RCOR1: variants seen among roughly 807,000 people sequenced by gnomAD.
RCOR1 encodes REST corepressor 1, also known as REST corepressor.
RCOR1 carries 12 observed loss-of-function variants against 64.0 expected under a neutral mutation model. The ratio of observed to expected loss-of-function variants is 0.19; its 90% CI spans 0.12 to 0.30. The LOEUF is 0.30. Among genes scored for constraint, RCOR1 ranks in the 10% least tolerant of loss-of-function variants. RCOR1 has a pLI of 1.00. For missense variants in RCOR1, 502 were observed against 621.2 expected, an observed-to-expected ratio of 0.81 and a Z score of 2.04; for synonymous variants, 279 against 227.2, an observed-to-expected ratio of 1.23 and a Z score of -2.05.
intron 2 of RCOR1, among the ~76,000 whole-genome samples, chr14:102,643,034 G>A (rs1894401190): frequency 6.6e-6 from 1 of 152,238 alleles, no homozygotes; most frequent in South Asian, 2.1e-4. Flanking sequence ...TGTAATCCCT[G>A]CACTTTGGGA....
At chr14:102,699,156 A>G (rs1266232004) in intron 3 of RCOR1, among the ~76,000 whole-genome samples, 1 of 152,236 alleles carries the variant, frequency 6.6e-6, no homozygotes, top group Non-Finnish European at 1.5e-5. Flanking sequence ...AAATGCTGGG[A>G]TTACAGGCGT....
chr14:102,620,207 T>C (rs1315002856), intron 2 of RCOR1, among the ~76,000 whole-genome samples: 1 of 151,404 alleles, frequency 6.6e-6, no homozygotes, highest in Non-Finnish European at 1.5e-5. Context: ...CTGGGCAAAA[T>C]AGGGAGACAC....
At chr14:102,723,679 T>C (rs2139996595) in intron 11 of RCOR1, among the ~76,000 whole-genome samples, 1 of 152,356 alleles carries the variant, frequency 6.6e-6, no homozygotes, top group South Asian at 2.1e-4. Context: ...CAGTGATTTT[T>C]GTACCAGCAC....
At chr14:102,685,504 CA>C (rs1419758880) in intron 3 of RCOR1, among the ~76,000 whole-genome samples, 1 of 145,478 alleles carries the variant, frequency 6.9e-6, no homozygotes, top group Non-Finnish European at 1.5e-5. Flanking sequence ...TTTTTTGAGA[CA>C]GAGGTTTATT....
At chr14:102,711,625 A>T (rs992619569) in intron 7 of RCOR1, among the ~76,000 whole-genome samples, 2 of 152,184 alleles carry the variant, frequency 1.3e-5, no homozygotes, top group Admixed American at 6.5e-5. Flanking sequence ...TCATAGAGGT[A>T]TTTTTCCAAA....
intron 3 of RCOR1, among the ~76,000 whole-genome samples, chr14:102,683,223 T>TA (rs1895341686): frequency 6.6e-6 from 1 of 152,104 alleles, no homozygotes; most frequent in Non-Finnish European, 1.5e-5. Flanking sequence ...CTTTAAACTT[T>TA]AAAAAAACTA....
In RCOR1 at chr14:102,592,695, G is replaced by A; in HGVS notation, c.-192G>A. 4.1e-6 allele frequency: 5 copies of A among 1,227,954 alleles called. No homozygotes were observed. Among genetic ancestry groups the A allele is most frequent in the Non-Finnish European group, 5.1e-6 (5 of 985,560 alleles). 76.1% of individuals were successfully genotyped at this position (1,227,954 alleles called of 1,614,324 possible). ...GCGATGAGAGCGAAAGTTGCGCTCG[G>A]CTCGTCGCTGGGGGCTTGAAGCGGC... On this transcript the variant is annotated 5_prime_UTR_variant, in exon 1 of 12. Transcript: ENST00000262241.
chr14:102,655,368 A>G (rs2139934172), intron 2 of RCOR1: 1 of 985,304 alleles, frequency 1.0e-6, no homozygotes, highest in East Asian at 1.1e-4. Context: ...TGAATGACTC[A>G]TGGGCATTTT....
At chr14:102,685,156 G>C (rs1331163345) in intron 3 of RCOR1, among the ~76,000 whole-genome samples, 1 of 151,738 alleles carries the variant, frequency 6.6e-6, no homozygotes, top group African/African-American at 2.4e-5. Flanking sequence ...ATAAAGTTAT[G>C]TTGTAATTAT....
chr14:102,660,624 C>A (rs577726309), intron 2 of RCOR1, among the ~76,000 whole-genome samples: 1 of 152,136 alleles, frequency 6.6e-6, no homozygotes, highest in Non-Finnish European at 1.5e-5. Context: ...CCCTACTTGG[C>A]CTCCCACAGT....
chr14:102,648,697 C>A (rs1282826211), intron 2 of RCOR1, among the ~76,000 whole-genome samples: 1 of 152,134 alleles, frequency 6.6e-6, no homozygotes, highest in African/African-American at 2.4e-5. Flanking sequence ...CATTTTGATC[C>A]AACATCATAG....
chr14:102,707,249 T>C (rs1025297367), intron 4 of RCOR1, 102 bp from the exon 5 acceptor site: 6 of 977,568 alleles, frequency 6.1e-6, no homozygotes, highest in East Asian at 5.0e-5. Flanking sequence ...ATGAGTTAGT[T>C]TGTCTAAATA....
At chr14:102,678,707 A>C (rs1895241554) in intron 2 of RCOR1, among the ~76,000 whole-genome samples, 1 of 152,164 alleles carries the variant, frequency 6.6e-6, no homozygotes, top group Non-Finnish European at 1.5e-5. Context: ...AAAACTGCAA[A>C]ACTTTCCCAG....
chr14:102,679,455 C>T (rs1895257651), intron 2 of RCOR1, among the ~76,000 whole-genome samples: 1 of 151,234 alleles, frequency 6.6e-6, no homozygotes, highest in Non-Finnish European at 1.5e-5. Context: ...TGTTTTTGGA[C>T]TCTATTCCAT....
chr14:102,700,043 G>A (rs1895725616), intron 3 of RCOR1, among the ~76,000 whole-genome samples: 2 of 152,172 alleles, frequency 1.3e-5, no homozygotes, highest in South Asian at 4.1e-4. Flanking sequence ...ACTGGGTCAC[G>A]TAATCTATCT....
chr14:102,679,357 G>A (rs1397533938), intron 2 of RCOR1, among the ~76,000 whole-genome samples: 1 of 152,068 alleles, frequency 6.6e-6, no homozygotes, highest in African/African-American at 2.4e-5. Flanking sequence ...ATTTGTTCCT[G>A]CATCATTTGT....
At chr14:102,596,929 A>G (rs1314184668) in intron 2 of RCOR1, among the ~76,000 whole-genome samples, 13 of 130,610 alleles carry the variant, frequency 1.0e-4, no homozygotes, top group Admixed American at 2.4e-4. Context: ...CTGGAGTGCA[A>G]TGGCACAATC....
intron 2 of RCOR1, among the ~76,000 whole-genome samples, chr14:102,598,033 G>T (rs1322149884): frequency 6.6e-6 from 1 of 152,136 alleles, no homozygotes; most frequent in East Asian, 1.9e-4. Context: ...TGTTGGTCAG[G>T]CTGGTCGTGA....
At chr14:102,643,453 G>C (rs951862427) in intron 2 of RCOR1, 22 of 326,720 alleles carry the variant, frequency 6.7e-5, no homozygotes, top group Non-Finnish European at 9.2e-5. Flanking sequence ...TGAAATAATA[G>C]ATTAATGCAT....
Sources: allele counts gnomAD v4.1 joint callset (sites outside exome capture counted in the v4.1 genomes callset), GRCh38; gene constraint gnomAD v4.1.1; transcripts MANE v1.5; gene names NCBI Gene and HGNC (gene_info 2026-07-23, HGNC 2026-07-21).